PHKB: variants seen among roughly 807,000 people sequenced by gnomAD.
PHKB encodes the protein phosphorylase b kinase regulatory subunit beta.
Under a neutral mutation model 152.1 loss-of-function variants are expected in PHKB, and 122 were observed. The ratio of observed to expected loss-of-function variants is 0.80; its 90% confidence interval spans 0.69 to 0.93. PHKB has a LOEUF of 0.93. PHKB is among the 40% of genes least tolerant of loss of function. PHKB has a pLI of 0.00. For synonymous variants in PHKB, 436 were observed against 464.9 expected (o/e 0.94, Z 0.80); for missense variants, 1,304 against 1,328.4 (o/e 0.98, Z 0.29).
intron 6 of PHKB, among the ~76,000 whole-genome samples, chr16:47,538,154 C>T (rs773836583): frequency 3.3e-5 from 5 of 152,110 alleles, no homozygotes; most frequent in Admixed American, 1.3e-4. Context: ...CTCAGCCTCC[C>T]GAAGTGCTAG....
chr16:47,476,132 A>T (rs1346868263), intron 1 of PHKB, among the ~76,000 whole-genome samples: 1 of 152,156 alleles, frequency 6.6e-6, no homozygotes, highest in East Asian at 1.9e-4. Context: ...AGCCTCTCAA[A>T]GTGCTGGGAT....
At chr16:47,486,614 C>T (rs1344162168) in intron 1 of PHKB, among the ~76,000 whole-genome samples, 1 of 152,150 alleles carries the variant, frequency 6.6e-6, no homozygotes, top group Non-Finnish European at 1.5e-5. Flanking sequence ...CTTTCCTCTG[C>T]TCTCCCATGC....
Position 47,661,816 on chromosome 16 carries a change from T to C in PHKB, c.2278+16T>C, listed in dbSNP as rs1295692120. On this transcript the variant is annotated intron_variant, in intron 23 of 30. Transcript: ENST00000323584. Reference sequence around the variant, plus strand: ...ACAAAGGAAGGTAAGCATGCATGTCTAGGAGAACATTTTAAGAGGACCTCT... The same window carrying C: ...ACAAAGGAAGGTAAGCATGCATGTCCAGGAGAACATTTTAAGAGGACCTCT... The C allele has an allele frequency of 1.4e-5, 21 of 1,541,098 alleles. No homozygotes were observed. The highest frequency in any genetic ancestry group is 1.9e-5 in the Non-Finnish European group (21 of 1,113,456).
intron 13 of PHKB, among the ~76,000 whole-genome samples, chr16:47,604,765 A>G (rs182652856): frequency 2.2e-4 from 33 of 152,242 alleles, no homozygotes; most frequent in Admixed American, 1.8e-3. Context: ...GGTATATTTT[A>G]TAAACCTTCT....
At chr16:47,528,623 A>T (rs1970806233) in intron 6 of PHKB, among the ~76,000 whole-genome samples, 1 of 151,960 alleles carries the variant, frequency 6.6e-6, no homozygotes, top group African/African-American at 2.4e-5. Context: ...ATAAGGTATC[A>T]TGTAAAGTTT....
intron 6 of PHKB, among the ~76,000 whole-genome samples, chr16:47,525,598 C>T (rs1482376779): frequency 6.6e-6 from 1 of 152,158 alleles, no homozygotes; most frequent in Non-Finnish European, 1.5e-5. Context: ...CCTAAATGAC[C>T]TTATGGTGTT....
chr16:47,648,449 C>G, intron 16 of PHKB, 84 bp from the exon 17 acceptor site: 1 of 990,680 alleles, frequency 1.0e-6, no homozygotes, highest in Non-Finnish European at 1.6e-6. Flanking sequence ...CTGGAAAGAT[C>G]AAAAATTAAC....
intron 14 of PHKB, among the ~76,000 whole-genome samples, chr16:47,629,331 AAAAC>A (rs1443199571): frequency 5.3e-5 from 8 of 152,134 alleles, no homozygotes; most frequent in African/African-American, 1.7e-4. Context: ...TGACAAGAAA[AAAAC>A]AAACAACCCC....
chr16:47,597,096 A>C (rs528575225), intron 13 of PHKB, among the ~76,000 whole-genome samples: 1 of 152,304 alleles, frequency 6.6e-6, no homozygotes, highest in African/African-American at 2.4e-5. Flanking sequence ...TAAACACAGA[A>C]AAAGCATTAT....
At chr16:47,612,755 C>A (rs1972450874) in intron 14 of PHKB, among the ~76,000 whole-genome samples, 1 of 152,040 alleles carries the variant, frequency 6.6e-6, no homozygotes, top group Admixed American at 6.6e-5. Flanking sequence ...TGGATATGTC[C>A]CCATGTGGTT....
chr16:47,503,543 T>A (rs538828876), intron 4 of PHKB, among the ~76,000 whole-genome samples: 1 of 152,288 alleles, frequency 6.6e-6, no homozygotes, highest in South Asian at 2.1e-4. Context: ...AGAAAACAGC[T>A]TTACAGGCCA....
At chr16:47,682,274 G>A (rs564018604) in intron 26 of PHKB, among the ~76,000 whole-genome samples, 63 of 152,192 alleles carry the variant, frequency 4.1e-4, no homozygotes, top group Middle Eastern at 3.4e-3. Context: ...TCTTTGTGGC[G>A]TTCTCTGTAT....
chr16:47,644,536 A>G (rs2151728050), intron 16 of PHKB, among the ~76,000 whole-genome samples: 1 of 152,336 alleles, frequency 6.6e-6, no homozygotes, highest in Middle Eastern at 3.4e-3. Flanking sequence ...TTTTGTATAC[A>G]ATGAAGTTGT....
At chr16:47,633,567 C>A (rs1035083220) in intron 14 of PHKB, among the ~76,000 whole-genome samples, 4 of 152,110 alleles carry the variant, frequency 2.6e-5, no homozygotes, top group African/African-American at 4.8e-5. Flanking sequence ...TATTTGGATA[C>A]CCTGGTGTTT....
rs143980609 is a variant in PHKB at position 47,485,941 on chromosome 16, A to G, written c.77-11458A>G. Among the ~76,000 whole-genome samples the G allele has an allele frequency of 3.9e-5, 6 of 152,118 alleles. No homozygotes were observed. The East Asian group carries it at 1.2e-3, about 29-fold the overall frequency. The stretch of plus-strand genomic sequence containing the variant: ...TGGTCCCTCACCGCTTTCTGTTGAA[A>G]GTCAGTGGTTGACAAAAGATTAAAA... On this transcript the variant is annotated intron_variant, in intron 1 of 30. Transcript: ENST00000323584.
intron 13 of PHKB, chr16:47,598,551 C>A: frequency 1.4e-6 from 1 of 697,490 alleles, no homozygotes; most frequent in South Asian, 1.9e-5. Context: ...TTCTATATCA[C>A]TTTTCTTGAT....
Position 47,502,977 on chromosome 16 carries a change from TCTCTCTCAC to T in PHKB, c.306-12_306-4del. 1.3e-6 allele frequency: 2 copies of T among 1,564,830 alleles called. No individual in the cohort carries two copies. The highest frequency in any genetic ancestry group is 1.8e-6 in the Non-Finnish European group (2 of 1,135,124). On this transcript the variant is annotated splice_polypyrimidine_tract_variant and splice_region_variant and intron_variant, in intron 3 of 30. Coordinates refer to ENST00000323584, the MANE Select transcript of PHKB (RefSeq NM_000293.3). ...CATTTCCAATTAGTTTCATGAGTTATCTCTCTCACCCAGGCGAATTGATGATGACAAGGG... is the reference window on the plus strand; with the variant it reads ...CATTTCCAATTAGTTTCATGAGTTATCCAGGCGAATTGATGATGACAAGGG...
At chr16:47,628,523 C>T (rs931904481) in intron 14 of PHKB, among the ~76,000 whole-genome samples, 2 of 152,130 alleles carry the variant, frequency 1.3e-5, no homozygotes, top group Non-Finnish European at 2.9e-5. Context: ...CAGGGCAAAA[C>T]TCTGTCTCAA....
chr16:47,656,491 G>A (rs1192626892), intron 20 of PHKB, among the ~76,000 whole-genome samples: 2 of 152,150 alleles, frequency 1.3e-5, no homozygotes, highest in African/African-American at 4.8e-5. Context: ...AAGATCTTCT[G>A]AATTTAAATA....
Sources: gnomAD v4.1 joint callset for allele counts (sites outside exome capture counted in the v4.1 genomes callset) on GRCh38, gnomAD v4.1.1 for gene constraint, MANE v1.5 for transcripts, NCBI Gene and HGNC (gene_info 2026-07-23, HGNC 2026-07-21) for gene names.